Variants in PKIA observed in about 807,000 individuals in gnomAD.
The protein encoded by PKIA is PKI-alpha.
PKIA carries 4 observed loss-of-function variants against 7.6 expected under a neutral mutation model. That is an observed-to-expected ratio of 0.52 (90% confidence interval 0.26 to 1.20). The LOEUF is 1.20. PKIA is among the 50% of genes most tolerant of loss of function. PKIA has a pLI of 0.13. For missense variants in PKIA, 73 were observed against 86.2 expected, an observed-to-expected ratio of 0.85 and a Z score of 0.61; for synonymous variants, 21 against 30.7, an observed-to-expected ratio of 0.68 and a Z score of 1.04.
intron 1 of PKIA, among the ~76,000 whole-genome samples, chr8:78,530,410 T>C (rs1304953691): frequency 6.6e-6 from 1 of 152,060 alleles, no homozygotes. Context: ...CTTCTAGTTA[T>C]AAATTCACTT....
In PKIA at chr8:78,565,399, C is replaced by G. The variant is rs943698823; in HGVS notation, c.-156-7412C>G. Reference sequence around the variant, plus strand: ...AGCCATGCTGATATGAACACATCCACTATTTTAAAAACTCTTCAGTTATTG... The same window carrying G: ...AGCCATGCTGATATGAACACATCCAGTATTTTAAAAACTCTTCAGTTATTG... On this transcript the variant is annotated intron_variant, in intron 1 of 3. Transcript: ENST00000396418. 7.2e-5 allele frequency among the ~76,000 whole-genome samples: 11 copies of G among 152,088 alleles called. No individual in the cohort carries two copies. In the East Asian group the frequency reaches 1.7e-3, roughly 24 times the overall value.
chr8:78,570,869 A>G (rs1323760282), intron 1 of PKIA, among the ~76,000 whole-genome samples: 1 of 152,104 alleles, frequency 6.6e-6, no homozygotes, highest in Non-Finnish European at 1.5e-5. Context: ...CCTTCACATT[A>G]CACATCCATC....
At chr8:78,572,042 G>A (rs1290100895) in intron 1 of PKIA, among the ~76,000 whole-genome samples, 1 of 152,116 alleles carries the variant, frequency 6.6e-6, no homozygotes, top group Admixed American at 6.6e-5. Flanking sequence ...GTCTATAACA[G>A]GTATGAGTAT....
rs1239851263 is a variant in PKIA at position 78,601,918 on chromosome 8, A to C, written c.*97A>C. ...TCCATGAGTGAAAAGAGGAAAAAGAAAATGGCTGTGCTGCATTGCAGGAAC... is the reference window on the plus strand; with the variant it reads ...TCCATGAGTGAAAAGAGGAAAAAGACAATGGCTGTGCTGCATTGCAGGAAC... On this transcript the variant is annotated 3_prime_UTR_variant, in exon 4 of 4. Transcript: ENST00000396418. 1 of 957,046 alleles carries C rather than the reference A, an allele frequency of 1.0e-6. No homozygotes were observed. Among genetic ancestry groups the C allele is most frequent in the African/African-American group, 1.6e-5 (1 of 60,964 alleles). 59.3% of individuals were successfully genotyped at this position (957,046 alleles called of 1,614,324 possible). A position where few individuals can be genotyped will look rare whatever the true frequency, so the allele number is the denominator to read the frequency against.
intron 3 of PKIA, among the ~76,000 whole-genome samples, chr8:78,599,215 T>C (rs1269353021): frequency 6.6e-6 from 1 of 152,036 alleles, no homozygotes; most frequent in African/African-American, 2.4e-5. Flanking sequence ...ATAAGTCCCC[T>C]GATAGTTCCT....
intron 2 of PKIA, among the ~76,000 whole-genome samples, chr8:78,596,156 G>A (rs1808221802): frequency 6.6e-6 from 1 of 152,010 alleles, no homozygotes; most frequent in Non-Finnish European, 1.5e-5. Flanking sequence ...TTGGCCACAT[G>A]TGTGTCTTCT....
chr8:78,536,766 C>T (rs1806533825), intron 1 of PKIA, among the ~76,000 whole-genome samples: 1 of 151,790 alleles, frequency 6.6e-6, no homozygotes, highest in African/African-American at 2.4e-5. Context: ...TATCTTGCTA[C>T]TGCAGCAGGA....
chr8:78,527,361 TTA>T (rs1202995155), intron 1 of PKIA, among the ~76,000 whole-genome samples: 28 of 152,128 alleles, frequency 1.8e-4, no homozygotes, highest in African/African-American at 6.5e-4. Context: ...TTTATGTATA[TTA>T]TAAACTATAA....
chr8:78,526,258 G>A (rs887668772), intron 1 of PKIA, among the ~76,000 whole-genome samples: 9 of 152,036 alleles, frequency 5.9e-5, no homozygotes, highest in African/African-American at 1.9e-4. Context: ...GTAATGCGAG[G>A]TTGTTAGGCT....
chr8:78,550,283 G>A (rs1806950943), intron 1 of PKIA, among the ~76,000 whole-genome samples: 1 of 152,110 alleles, frequency 6.6e-6, no homozygotes, highest in South Asian at 2.1e-4. Context: ...TATCCTTCGT[G>A]CAGTTTGGGA....
At chr8:78,555,449 A>T (rs1016730479) in intron 1 of PKIA, among the ~76,000 whole-genome samples, 5 of 152,090 alleles carry the variant, frequency 3.3e-5, no homozygotes, top group African/African-American at 1.2e-4. Flanking sequence ...AGAGTCTGCT[A>T]GGCATCAGAA....
chr8:78,561,979 C>G (rs1585900753), intron 1 of PKIA, among the ~76,000 whole-genome samples: 1 of 152,092 alleles, frequency 6.6e-6, no homozygotes, highest in African/African-American at 2.4e-5. Flanking sequence ...AGTTCTAAAA[C>G]TTAGGCAATG....
At chr8:78,548,964 A>G (rs2118457876) in intron 1 of PKIA, among the ~76,000 whole-genome samples, 1 of 152,206 alleles carries the variant, frequency 6.6e-6, no homozygotes, top group African/African-American at 2.4e-5. Context: ...TGGTTACATG[A>G]ATCTCCATTA....
At position 78,601,857 on chromosome 8, in the gene PKIA, T is replaced by C; in HGVS notation, c.*36T>C. The C allele has an allele frequency of 8.2e-6, 12 of 1,471,034 alleles. No homozygotes were observed. The highest frequency in any genetic ancestry group is 1.1e-5 in the Non-Finnish European group (12 of 1,052,946). 91.1% of individuals were successfully genotyped at this position (1,471,034 alleles called of 1,614,324 possible). On this transcript the variant is annotated 3_prime_UTR_variant, in exon 4 of 4. Coordinates refer to ENST00000396418, the MANE Select transcript of PKIA (RefSeq NM_006823.4). ...TGACCCTCGACCACACCTGAAAATGTCTCAAATCTCCAGGAGTATCTGGAA... is the reference window on the plus strand; with the variant it reads ...TGACCCTCGACCACACCTGAAAATGCCTCAAATCTCCAGGAGTATCTGGAA...
chr8:78,523,980 T>TTATAAATATATATAAACATTTATA (rs1372950987), intron 1 of PKIA, among the ~76,000 whole-genome samples: 5 of 88,434 alleles, frequency 5.7e-5, no homozygotes, highest in Non-Finnish European at 1.1e-4. Flanking sequence ...ACATTTATAT[T>TTATAAATATATATAAACATTTATA]TATAAATATA....
At chr8:78,540,865 G>A (rs1260169845) in intron 1 of PKIA, among the ~76,000 whole-genome samples, 3 of 151,788 alleles carry the variant, frequency 2.0e-5, no homozygotes, top group Non-Finnish European at 4.4e-5. Context: ...CCCAAAGGAG[G>A]CCTATATAAC....
intron 1 of PKIA, among the ~76,000 whole-genome samples, chr8:78,520,656 G>T (rs1015192739): frequency 2.0e-5 from 3 of 152,120 alleles, no homozygotes; most frequent in African/African-American, 7.2e-5. Flanking sequence ...AAGTTGTTTT[G>T]TGATTAATCT....
rs79809692 is a variant in PKIA, at chr8:78,533,555, A to G, written c.-157+17087A>G. Among the ~76,000 whole-genome samples, 4 of 152,278 alleles carry G rather than the reference A, an allele frequency of 2.6e-5. No homozygotes were observed. In the East Asian group the frequency reaches 7.7e-4, roughly 29 times the overall value. On this transcript the variant is annotated intron_variant, in intron 1 of 3. Coordinates refer to ENST00000396418, the MANE Select transcript of PKIA (RefSeq NM_006823.4). ...TAAGATTGTTATGAAAGTGTACTTA[A>G]AATTCAAACAGGAAAAGAGGGCTGG...
chr8:78,516,535 G>A (rs1809318618), intron 1 of PKIA, 67 bp downstream of exon 1: 1 of 152,488 alleles, frequency 6.6e-6, no homozygotes, highest in Non-Finnish European at 1.5e-5. Context: ...TTAATAATGG[G>A]GTTTGCAGCA....
Sources: gnomAD v4.1 joint callset for allele counts (sites outside exome capture counted in the v4.1 genomes callset) on GRCh38, gnomAD v4.1.1 for gene constraint, MANE v1.5 for transcripts, NCBI Gene and HGNC (gene_info 2026-07-23, HGNC 2026-07-21) for gene names.